CRYL1: variants seen among roughly 807,000 people sequenced by gnomAD.
CRYL1 encodes the protein crystallin lambda 1, also known as lambda-crystallin homolog.
CRYL1 carries 29 observed loss-of-function variants against 36.6 expected under a neutral mutation model. The ratio of observed to expected loss-of-function variants is 0.79; its 90% CI spans 0.59 to 1.08. The LOEUF is 1.08. Among genes scored for constraint, CRYL1 ranks in the 50% least tolerant of loss-of-function variants. The probability of loss-of-function intolerance (pLI) is 0.00; values close to 1 mark genes in which losing one functional copy is unlikely to be tolerated. For missense variants in CRYL1, 411 were observed against 407.9 expected, an observed-to-expected ratio of 1.01 and a Z score of -0.06; for synonymous variants, 152 against 151.5, an observed-to-expected ratio of 1.00 and a Z score of -0.02.
rs754278452 is a variant in CRYL1, at chr13:20,425,213, G to A, written c.633+6889C>T. Reference sequence around the variant, plus strand: ...CCCGTCTCCTGTTGGCGGTGGCTCCGCACAGGCTTCCTCTTGTCAAGCTCT... The same window carrying A: ...CCCGTCTCCTGTTGGCGGTGGCTCCACACAGGCTTCCTCTTGTCAAGCTCT... On this transcript the variant is annotated intron_variant, in intron 5 of 7. Transcript: ENST00000298248. This position sits in a 1 kb window ranked among gnomAD's most constrained non-coding sequence, Gnocchi z 4.4. 8.5e-5 allele frequency among the ~76,000 whole-genome samples: 13 copies of A among 152,182 alleles called. No individual in the cohort carries two copies. The highest frequency in any genetic ancestry group is 5.9e-4 in the Admixed American group (9 of 15,274).
intron 5 of CRYL1, among the ~76,000 whole-genome samples, chr13:20,414,255 T>TGTGTG (rs1555226015): frequency 2.0e-3 from 306 of 151,278 alleles, no homozygotes; most frequent in African/African-American, 6.9e-3. Context: ...AAGAGATTTT[T>TGTGTG]TGTGTGTGTG....
At chr13:20,411,548 T>C (rs1423219753) in intron 6 of CRYL1, among the ~76,000 whole-genome samples, 1 of 152,236 alleles carries the variant, frequency 6.6e-6, no homozygotes, top group Non-Finnish European at 1.5e-5. Flanking sequence ...TTCAAATGTA[T>C]AAATTTCTAT....
chr13:20,413,756 T>G (rs1310879139), intron 5 of CRYL1, among the ~76,000 whole-genome samples: 1 of 152,204 alleles, frequency 6.6e-6, no homozygotes, highest in Non-Finnish European at 1.5e-5. Flanking sequence ...TATCACTATC[T>G]CATTTCAGTG....
intron 3 of CRYL1, among the ~76,000 whole-genome samples, chr13:20,488,535 C>G (rs2033444869): frequency 6.6e-6 from 1 of 152,194 alleles, no homozygotes; most frequent in Non-Finnish European, 1.5e-5. Context: ...AATCTTAGAG[C>G]AGGAAATGAC....
At chr13:20,464,019 C>T (rs183273874) in intron 3 of CRYL1, among the ~76,000 whole-genome samples, 55 of 152,130 alleles carry the variant, frequency 3.6e-4, no homozygotes, top group Admixed American at 9.8e-4. Flanking sequence ...TGTGCCCATT[C>T]CTGTTAACCG....
intron 3 of CRYL1, among the ~76,000 whole-genome samples, chr13:20,464,524 G>A (rs984405884): frequency 7.1e-4 from 108 of 152,222 alleles, no homozygotes; most frequent in African/African-American, 2.4e-3. Context: ...TTGTGGTAAC[G>A]GTTGCCTTTA....
rs151074087 is a variant in CRYL1, at chr13:20,480,716, G to A, written c.276+8654C>T. Among the ~76,000 whole-genome samples, 148 of 152,318 alleles carry A rather than the reference G, an allele frequency of 9.7e-4. No individual in the cohort carries two copies. The East Asian group carries it at 0.012, about 12-fold the overall frequency. On this transcript the variant is annotated intron_variant, in intron 3 of 7. Transcript: ENST00000298248. ...GCGCAAATCATGCCAATAACCTGCCGTTCGTGGATGCTGCGGGGACCCACA... is the reference window on the plus strand; with the variant it reads ...GCGCAAATCATGCCAATAACCTGCCATTCGTGGATGCTGCGGGGACCCACA...
intron 3 of CRYL1, among the ~76,000 whole-genome samples, chr13:20,447,419 C>T (rs929992623): frequency 3.9e-5 from 6 of 152,122 alleles, no homozygotes; most frequent in African/African-American, 1.4e-4. Flanking sequence ...TGCTCCCCCT[C>T]GCCCCTACCC....
chr13:20,404,729 T>C lies in CRYL1; in HGVS notation c.752A>G (p.Tyr251Cys), dbSNP rs1374431036. ...MHLNAEGMLS[Y>C]CDRYSEGIKH... ...TATGCCTTCGCTGTATCTGTCGCAGTAGCTTAACATACCTGGAATTGTATG... is the reference window on the plus strand; with the variant it reads ...TATGCCTTCGCTGTATCTGTCGCAGCAGCTTAACATACCTGGAATTGTATG... The change falls in exon 7 of 8, where the codon TAC becomes TGC. Residue 251 changes from tyrosine (Y) to cysteine (C), a missense_variant. By Grantham distance (194) the Tyr-to-Cys change is radical. Coordinates refer to ENST00000298248, the MANE Select transcript of CRYL1 (RefSeq NM_015974.3). 9.3e-6 allele frequency: 15 copies of C among 1,607,470 alleles called. No individual in the cohort carries two copies. Among genetic ancestry groups the C allele is most frequent in the African/African-American group, 1.3e-5 (1 of 74,808 alleles).
intron 3 of CRYL1, chr13:20,473,197 T>A (rs2033096252): frequency 6.6e-6 from 1 of 152,234 alleles, no homozygotes; most frequent in African/African-American, 2.4e-5. Context: ...TCCTCTCCAC[T>A]TACAGCGTAA....
chr13:20,446,165 G>A (rs2032450451), intron 3 of CRYL1, among the ~76,000 whole-genome samples: 1 of 152,134 alleles, frequency 6.6e-6, no homozygotes, highest in South Asian at 2.1e-4. Flanking sequence ...AGGCTGGAGT[G>A]CAGTGGCACA....
In CRYL1 at chr13:20,441,414, C is replaced by G. The variant is rs924499351; in HGVS notation, c.277-1660G>C. On this transcript the variant is annotated intron_variant, in intron 3 of 7. Transcript: ENST00000298248. ...GTCCAAAGCGGGGGTCCTTAATGCT[C>G]TCAGTGCAGTGTGCCACCAAATGCA... Among the ~76,000 whole-genome samples, 93 of 152,106 alleles carry G rather than the reference C, an allele frequency of 6.1e-4. 1 individual carries two copies. Among genetic ancestry groups the G allele is most frequent in the Admixed American group, 5.9e-4 (9 of 15,272 alleles).
At position 20,432,069 on chromosome 13, in the gene CRYL1, AG is replaced by A. The variant is rs770088562; in HGVS notation, c.633+32del. 3.8e-5 allele frequency: 61 copies of A among 1,613,506 alleles called. No homozygotes were observed. The African/African-American group carries it at 7.2e-4, about 19-fold the overall frequency. On this transcript the variant is annotated intron_variant, in intron 5 of 7. Transcript: ENST00000298248. ...GGAGGGAAGAAGGAGGGAGAAAGGA[AG>A]GGAGGGAGGGAGAGAGGACGGGCAC...
At chr13:20,447,221 G>C (rs910858606) in intron 3 of CRYL1, among the ~76,000 whole-genome samples, 1 of 152,170 alleles carries the variant, frequency 6.6e-6, no homozygotes, top group African/African-American at 2.4e-5. Flanking sequence ...GACCAACAGA[G>C]TTTCTTTGTG....
rs757778402 is a variant in CRYL1, at chr13:20,415,613, CG to C, written c.634-2227del. Among the ~76,000 whole-genome samples, 65 of 152,210 alleles carry C rather than the reference CG, an allele frequency of 4.3e-4. 1 individual carries two copies. Among genetic ancestry groups the C allele is most frequent in the Non-Finnish European group, 6.2e-4 (42 of 68,032 alleles). ...TTGCGTTTCGTTTTGTTTGCGCACACGGGACACAAGCATATCGAGGCTGAAC... is the reference window on the plus strand; with the variant it reads ...TTGCGTTTCGTTTTGTTTGCGCACACGGACACAAGCATATCGAGGCTGAAC... On this transcript the variant is annotated intron_variant, in intron 5 of 7. Transcript: ENST00000298248. The surrounding 1 kb of genome is among the most constrained non-coding windows in gnomAD (Gnocchi z 4.1).
At chr13:20,421,247 CGACTT>C (rs1259981005) in intron 5 of CRYL1, among the ~76,000 whole-genome samples, 1 of 152,030 alleles carries the variant, frequency 6.6e-6, no homozygotes, top group Non-Finnish European at 1.5e-5. Context: ...GGGAAAGCCT[CGACTT>C]TTACAACAAA....
rs2032970230 is a variant in CRYL1 at position 20,467,731 on chromosome 13, G to GAA, written c.276+21637_276+21638dup. 3.3e-5 allele frequency among the ~76,000 whole-genome samples: 5 copies of GAA among 152,324 alleles called. No homozygotes were observed. In the South Asian group the frequency reaches 1.0e-3, roughly 32 times the overall value. ...AGCTGCTCGGGATGCTGAGCCAGTG[G>GAA]AATCGCTTGAACCCGGGAGGCAGAG... is the stretch of plus-strand genomic sequence containing the variant. On this transcript the variant is annotated intron_variant, in intron 3 of 7. Coordinates refer to ENST00000298248, the MANE Select transcript of CRYL1 (RefSeq NM_015974.3).
intron 3 of CRYL1, among the ~76,000 whole-genome samples, chr13:20,474,622 T>C (rs945447550): frequency 6.6e-6 from 1 of 152,080 alleles, no homozygotes; most frequent in South Asian, 2.1e-4. Flanking sequence ...GATGAGAGGA[T>C]ACCTTGGGAA....
chr13:20,439,999 C>A, intron 3 of CRYL1: 1 of 421,972 alleles, frequency 2.4e-6, no homozygotes, highest in East Asian at 3.9e-5. Context: ...TCCCATGAAG[C>A]AGGGCATAAG....
Sources: gnomAD v4.1 joint callset for allele counts (sites outside exome capture counted in the v4.1 genomes callset) on GRCh38, gnomAD v4.1.1 for gene constraint, Gnocchi (gnomAD v3.1) non-coding constraint, MANE v1.5 for transcripts, NCBI Gene and HGNC (gene_info 2026-07-23, HGNC 2026-07-21) for gene names.